CPXM2: variants seen among roughly 807,000 people sequenced by gnomAD.
The protein encoded by CPXM2 is carboxypeptidase X, M14 family member 2.
Under a neutral mutation model 86.1 loss-of-function variants are expected in CPXM2, and 66 were observed. The ratio of observed to expected loss-of-function variants is 0.77; its 90% CI spans 0.63 to 0.94. CPXM2 has a LOEUF of 0.94. Among genes scored for constraint, CPXM2 ranks in the 40% least tolerant of loss-of-function variants. The probability of loss-of-function intolerance (pLI) is 0.00; values close to 1 mark genes in which losing one functional copy is unlikely to be tolerated. For missense variants in CPXM2, 948 were observed against 1,026.3 expected (o/e 0.92, Z 1.04); for synonymous variants, 388 against 400.2 (o/e 0.97, Z 0.36).
intron 3 of CPXM2, among the ~76,000 whole-genome samples, chr10:123,858,471 A>T (rs1413469772): frequency 2.0e-5 from 3 of 152,154 alleles, no homozygotes; most frequent in Non-Finnish European, 4.4e-5. Flanking sequence ...GACCTATACC[A>T]CTTCTATCTG....
upstream of CPXM2, among the ~76,000 whole-genome samples, chr10:123,895,717 C>T (rs1476350943): frequency 6.6e-6 from 1 of 152,208 alleles, no homozygotes; most frequent in East Asian, 1.9e-4. Context: ...CTCCAGAAAG[C>T]ACTGATTCTC....
At chr10:123,778,639 G>T (rs970879313) in intron 7 of CPXM2, among the ~76,000 whole-genome samples, 5 of 152,172 alleles carry the variant, frequency 3.3e-5, no homozygotes, top group Non-Finnish European at 7.3e-5. Context: ...GAGTCTCTGT[G>T]CAATTCACTC....
At chr10:123,822,889 G>C (rs1847959203) in intron 4 of CPXM2, among the ~76,000 whole-genome samples, 1 of 152,102 alleles carries the variant, frequency 6.6e-6, no homozygotes, top group South Asian at 2.1e-4. Flanking sequence ...TTCCAGAGAT[G>C]ACAGATATGG....
At chr10:123,881,377 T>C (rs946714743) in intron 1 of CPXM2, among the ~76,000 whole-genome samples, 2 of 151,736 alleles carry the variant, frequency 1.3e-5, no homozygotes, top group Non-Finnish European at 2.9e-5. Flanking sequence ...TGGAAGTTGA[T>C]AGCACCTGTT....
chr10:123,897,413 G>T (rs1413187581), intron 2 of CPXM2, among the ~76,000 whole-genome samples: 1 of 152,180 alleles, frequency 6.6e-6, no homozygotes, highest in African/African-American at 2.4e-5. Context: ...TGAAGGTCAT[G>T]TAATTAACAA....
At chr10:123,937,469 CAACACACACACA>C (rs1945732312) in intron 2 of CPXM2, among the ~76,000 whole-genome samples, 1 of 77,360 alleles carries the variant, frequency 1.3e-5, no homozygotes. Flanking sequence ...GACAACAAAA[CAACACACACACA>C]CACACACACA....
intron 3 of CPXM2, among the ~76,000 whole-genome samples, chr10:123,844,991 CG>C (rs1564794935): frequency 1.3e-5 from 2 of 150,350 alleles, no homozygotes; most frequent in Non-Finnish European, 3.0e-5. Flanking sequence ...TCACTTGAAC[CG>C]GGGGGCAGAG....
At chr10:123,842,581 G>A (rs1281651425) in intron 3 of CPXM2, 93 bp from the exon 4 acceptor site, 2 of 1,270,806 alleles carry the variant, frequency 1.6e-6, no homozygotes, top group Non-Finnish European at 2.2e-6. Context: ...AAGGGAGGGA[G>A]GATAGGAGAA....
intron 6 of CPXM2, among the ~76,000 whole-genome samples, chr10:123,787,933 C>G (rs946450831): frequency 6.6e-6 from 1 of 152,002 alleles, no homozygotes; most frequent in Non-Finnish European, 1.5e-5. Context: ...TATTTTTTCT[C>G]TCTCTTCTTT....
chr10:123,862,685 CTG>C lies in CPXM2; in HGVS notation c.440_441del (p.Thr147ArgfsTer28). The stretch of plus-strand genomic sequence containing the variant: ...ACCGTGGAGGCATGGAGCTGGAAGT[CTG>C]TGATTTTTAAGGTTTCCAGACCAAG... ...PPLGLETLKI[T>X]DFQLHASTVK... On this transcript the variant is annotated frameshift_variant, in exon 3 of 14. Coordinates refer to ENST00000241305, the MANE Select transcript of CPXM2 (RefSeq NM_198148.3). LOFTEE classifies it high-confidence loss of function. The C allele has an allele frequency of 6.2e-7, 1 of 1,613,676 alleles. No individual in the cohort carries two copies. The highest frequency in any genetic ancestry group is 8.5e-7 in the Non-Finnish European group (1 of 1,179,978).
intron 11 of CPXM2, 73 bp from the exon 12 acceptor site, chr10:123,757,425 C>A: frequency 7.7e-7 from 1 of 1,297,770 alleles, no homozygotes; most frequent in Non-Finnish European, 1.1e-6. Context: ...GCACAGCGGG[C>A]AGCAAGGATG....
intron 4 of CPXM2, among the ~76,000 whole-genome samples, chr10:123,840,828 A>ATT (rs1400393316): frequency 1.3e-5 from 2 of 152,234 alleles, no homozygotes; most frequent in African/African-American, 2.4e-5. Context: ...GGACAATGAC[A>ATT]GGTGGTTAAA....
upstream of CPXM2, among the ~76,000 whole-genome samples, chr10:123,943,974 C>T (rs772161163): frequency 3.9e-5 from 6 of 152,200 alleles, no homozygotes; most frequent in Admixed American, 1.3e-4. Flanking sequence ...AAGAGACCAT[C>T]GTCATCGTGG....
At chr10:123,896,952 T>C (rs1028042561), upstream of CPXM2, among the ~76,000 whole-genome samples, 1 of 152,190 alleles carries the variant, frequency 6.6e-6, no homozygotes, top group Non-Finnish European at 1.5e-5. Context: ...CTGCCCCTTG[T>C]AAATTTGTCC....
chr10:123,923,432 T>G (rs1472500190), intron 2 of CPXM2, among the ~76,000 whole-genome samples: 3 of 148,776 alleles, frequency 2.0e-5, no homozygotes, highest in African/African-American at 7.5e-5. Flanking sequence ...TACAAAAAAA[T>G]TAGCCGGGCG....
chr10:123,922,449 G>A (rs1945586088), intron 2 of CPXM2, among the ~76,000 whole-genome samples: 1 of 152,174 alleles, frequency 6.6e-6, no homozygotes, highest in South Asian at 2.1e-4. Context: ...AAAAATATAT[G>A]CTGTCCCTCT....
At chr10:123,755,968 C>T (rs1189867274) in intron 12 of CPXM2, among the ~76,000 whole-genome samples, 1 of 152,134 alleles carries the variant, frequency 6.6e-6, no homozygotes, top group Non-Finnish European at 1.5e-5. Flanking sequence ...AGAGGTTCCC[C>T]AAAGAAGGAA....
chr10:123,893,911 A>C (rs1945313150), upstream of CPXM2, among the ~76,000 whole-genome samples: 2 of 152,218 alleles, frequency 1.3e-5, no homozygotes, highest in Non-Finnish European at 2.9e-5. Context: ...CACCTCCATC[A>C]GAACCCCCAG....
chr10:123,915,214 C>G, intron 2 of CPXM2, among the ~76,000 whole-genome samples: 1 of 152,216 alleles, frequency 6.6e-6, no homozygotes, highest in Non-Finnish European at 1.5e-5. Context: ...TGACTCTGCA[C>G]ATCATCCCTG....
Sources: gnomAD v4.1 joint callset for allele counts (sites outside exome capture counted in the v4.1 genomes callset) on GRCh38, gnomAD v4.1.1 for gene constraint, MANE v1.5 for transcripts, NCBI Gene and HGNC (gene_info 2026-07-23, HGNC 2026-07-21) for gene names.